GRM5: variants seen among roughly 807,000 people sequenced by gnomAD.
GRM5 encodes glutamate metabotropic receptor 5, also known as metabotropic glutamate receptor 5.
A neutral mutation model predicts 83.1 loss-of-function variants in GRM5; 19 were observed. That is an observed-to-expected ratio of 0.23 (90% CI 0.16 to 0.34). The LOEUF is 0.34. Among genes scored for constraint, GRM5 ranks in the 10% least tolerant of loss-of-function variants. GRM5 has a pLI of 1.00. For synonymous variants in GRM5, 675 were observed against 633.6 expected (o/e 1.07, Z -0.98); for missense variants, 1,160 against 1,588.3 (o/e 0.73, Z 4.58).
At chr11:89,021,892 G>T (rs1940993689) in intron 2 of GRM5, among the ~76,000 whole-genome samples, 1 of 152,108 alleles carries the variant, frequency 6.6e-6, no homozygotes, top group Non-Finnish European at 1.5e-5. Flanking sequence ...TGACATTTGG[G>T]ATACAACTGT....
rs551586913 is a variant in GRM5, at chr11:88,694,805, T to C, written c.912-41402A>G. On this transcript the variant is annotated intron_variant, in intron 3 of 9. Coordinates refer to ENST00000305447, the MANE Select transcript of GRM5 (RefSeq NM_001143831.3). Reference sequence around the variant, plus strand: ...CTTATGATTGCAGTATCACATTAGGTTATTGATTACATGGTACTCTCGGGA... The same window carrying C: ...CTTATGATTGCAGTATCACATTAGGCTATTGATTACATGGTACTCTCGGGA... Among the ~76,000 whole-genome samples, 15 of 152,270 alleles carry C rather than the reference T, an allele frequency of 9.9e-5. No individual in the cohort carries two copies. In the South Asian group the frequency reaches 3.1e-3, roughly 32 times the overall value.
At chr11:88,917,027 G>A (rs1945607452) in intron 2 of GRM5, among the ~76,000 whole-genome samples, 1 of 152,108 alleles carries the variant, frequency 6.6e-6, no homozygotes, top group East Asian at 1.9e-4. Flanking sequence ...CATAGGCCTT[G>A]GGCAAGACCC....
intron 4 of GRM5, among the ~76,000 whole-genome samples, chr11:88,643,819 G>A (rs1939363396): frequency 6.6e-6 from 1 of 152,100 alleles, no homozygotes; most frequent in South Asian, 2.1e-4. Flanking sequence ...AGTGTTCTGA[G>A]CTATGGCTAA....
intron 3 of GRM5, among the ~76,000 whole-genome samples, chr11:88,813,351 A>AT (rs1486583206): frequency 2.0e-5 from 3 of 152,016 alleles, no homozygotes; most frequent in African/African-American, 7.3e-5. Context: ...CAGGCTGGGG[A>AT]TTTTTTAGTT....
At chr11:88,703,140 T>C (rs963321006) in intron 3 of GRM5, among the ~76,000 whole-genome samples, 1 of 152,028 alleles carries the variant, frequency 6.6e-6, no homozygotes, top group African/African-American at 2.4e-5. Context: ...CTCTAAAGCA[T>C]TGGTAGATGT....
chr11:88,849,880 A>G, intron 3 of GRM5, 26 bp downstream of exon 3: 2 of 1,610,292 alleles, frequency 1.2e-6, no homozygotes, highest in East Asian at 2.2e-5. Flanking sequence ...TATTAACTCC[A>G]TGTAAATTTT....
chr11:88,741,987 AT>A (rs1478727838), intron 3 of GRM5, among the ~76,000 whole-genome samples: 1 of 152,124 alleles, frequency 6.6e-6, no homozygotes, highest in Admixed American at 6.6e-5. Context: ...AGTAAAAGAA[AT>A]TCATGAAAAC....
intron 2 of GRM5, among the ~76,000 whole-genome samples, chr11:88,944,621 T>A (rs1452211823): frequency 4.0e-5 from 6 of 151,842 alleles, no homozygotes; most frequent in Non-Finnish European, 8.8e-5. Flanking sequence ...ATAACCTGTT[T>A]TTTTAAAGAA....
intron 3 of GRM5, among the ~76,000 whole-genome samples, chr11:88,726,388 G>A (rs1427585857): frequency 1.3e-5 from 2 of 152,172 alleles, no homozygotes; most frequent in Non-Finnish European, 2.9e-5. Context: ...ATGGGACTAT[G>A]TGAAAAGACC....
rs752780249 is a variant in GRM5 at position 89,009,929 on chromosome 11, A to AATAAAC, written c.661+37282_661+37283insGTTTAT. Among the ~76,000 whole-genome samples, 28 of 102,332 alleles carry AATAAAC rather than the reference A, an allele frequency of 2.7e-4. 1 individual carries two copies. The highest frequency in any genetic ancestry group is 4.7e-4 in the South Asian group (1 of 2,134). 67.1% of individuals were successfully genotyped at this position (102,332 alleles called of 152,430 possible). Reference sequence around the variant, plus strand: ...AAAAAAAAAAAAAAAAAAAAAAAAAAACACACACAAAATCAAAATGTTTAC... The same window carrying AATAAAC: ...AAAAAAAAAAAAAAAAAAAAAAAAAAATAAACACACACACAAAATCAAAATGTTTAC... On this transcript the variant is annotated intron_variant, in intron 2 of 9. Transcript: ENST00000305447.
chr11:88,692,607 G>C (rs1249156030), intron 3 of GRM5, among the ~76,000 whole-genome samples: 1 of 152,136 alleles, frequency 6.6e-6, no homozygotes, highest in Non-Finnish European at 1.5e-5. Context: ...AATGCTAGGT[G>C]TTAAATTCAT....
At chr11:88,909,823 A>G (rs1237933298) in intron 2 of GRM5, among the ~76,000 whole-genome samples, 3 of 152,004 alleles carry the variant, frequency 2.0e-5, no homozygotes, top group African/African-American at 7.2e-5. Flanking sequence ...AAGCCCACCT[A>G]CTGCAATAAT....
rs188469907 is a variant in GRM5 at position 88,944,114 on chromosome 11, C to T, written c.662-93959G>A. Among the ~76,000 whole-genome samples, 4 of 152,050 alleles carry T rather than the reference C, an allele frequency of 2.6e-5. No individual in the cohort carries two copies. In the East Asian group the frequency reaches 7.7e-4, roughly 29 times the overall value. ...AAGGATAAGTTGGTTGTTGCTATGA[C>T]CTCATGAAAGGACTTTATTAGGCGG... On this transcript the variant is annotated intron_variant, in intron 2 of 9. Transcript: ENST00000305447.
At chr11:88,785,748 ATAAT>A (rs1210459218) in intron 3 of GRM5, among the ~76,000 whole-genome samples, 1 of 152,080 alleles carries the variant, frequency 6.6e-6, no homozygotes, top group East Asian at 1.9e-4. Context: ...TGAACATTCT[ATAAT>A]TAAAGAAGTT....
chr11:88,904,016 C>T lies in GRM5; in HGVS notation c.662-53861G>A, dbSNP rs187184456. Reference sequence around the variant, plus strand: ...AGCATTATGAAACGAATTGAAGATGCTCTCATTGAGAATGAAATAAATGAT... The same window carrying T: ...AGCATTATGAAACGAATTGAAGATGTTCTCATTGAGAATGAAATAAATGAT... On this transcript the variant is annotated intron_variant, in intron 2 of 9. Coordinates refer to ENST00000305447, the MANE Select transcript of GRM5 (RefSeq NM_001143831.3). Among the ~76,000 whole-genome samples, 30 of 152,170 alleles carry T rather than the reference C, an allele frequency of 2.0e-4. No individual in the cohort carries two copies. In the East Asian group the frequency reaches 4.8e-3, roughly 24 times the overall value.
At chr11:88,558,069 G>C (rs762658491) in intron 8 of GRM5, among the ~76,000 whole-genome samples, 15 of 152,066 alleles carry the variant, frequency 9.9e-5, no homozygotes, top group Non-Finnish European at 1.9e-4. Context: ...TTTCCAAAGG[G>C]CAGGCTTTGT....
chr11:88,773,837 C>T (rs1332919762), intron 3 of GRM5, among the ~76,000 whole-genome samples: 1 of 152,156 alleles, frequency 6.6e-6, no homozygotes, highest in Non-Finnish European at 1.5e-5. Context: ...CAGTACCATG[C>T]TGTTTTGGTT....
At chr11:88,677,072 T>C (rs934827773) in intron 3 of GRM5, among the ~76,000 whole-genome samples, 2 of 152,086 alleles carry the variant, frequency 1.3e-5, no homozygotes, top group African/African-American at 2.4e-5. Context: ...ACTCTACACT[T>C]CTTTGATGGG....
At chr11:88,989,398 A>G (rs554944611) in intron 2 of GRM5, among the ~76,000 whole-genome samples, 13 of 130,438 alleles carry the variant, frequency 1.0e-4, no homozygotes, top group Non-Finnish European at 1.2e-4. Context: ...TTAGACTACC[A>G]CACATTAATA....
Sources: gnomAD v4.1 joint callset for allele counts (sites outside exome capture counted in the v4.1 genomes callset) on GRCh38, gnomAD v4.1.1 for gene constraint, MANE v1.5 for transcripts, NCBI Gene and HGNC (gene_info 2026-07-23, HGNC 2026-07-21) for gene names.